Variants in XPNPEP3 observed in about 807,000 individuals in gnomAD.
XPNPEP3 encodes xaa-Pro aminopeptidase 3.
Under a neutral mutation model 60.0 loss-of-function variants are expected in XPNPEP3, and 41 were observed. The ratio of observed to expected loss-of-function variants is 0.68; its 90% CI spans 0.53 to 0.89. The LOEUF is 0.89. Ranked by LOEUF, XPNPEP3 falls within the 40% of genes least tolerant of loss-of-function variation. The pLI, the probability that XPNPEP3 is intolerant of heterozygous loss-of-function variation, is 0.00. For missense variants in XPNPEP3, 598 were observed against 638.9 expected, an observed-to-expected ratio of 0.94 and a Z score of 0.69; for synonymous variants, 212 against 223.2, an observed-to-expected ratio of 0.95 and a Z score of 0.45.
At chr22:40,862,481 A>G (rs887400449) in intron 1 of XPNPEP3, 5 of 985,928 alleles carry the variant, frequency 5.1e-6, no homozygotes, top group Non-Finnish European at 6.0e-6. Context: ...GAAAGTATTC[A>G]AACAGTTGAC....
chr22:40,900,970 G>A (rs1264133641), intron 4 of XPNPEP3, among the ~76,000 whole-genome samples: 3 of 150,940 alleles, frequency 2.0e-5, no homozygotes, highest in African/African-American at 4.9e-5. Flanking sequence ...AAAAAACAAA[G>A]GGAATGGGTG....
intron 4 of XPNPEP3, among the ~76,000 whole-genome samples, chr22:40,894,740 G>A (rs560740219): frequency 6.6e-6 from 1 of 152,122 alleles, no homozygotes; most frequent in Non-Finnish European, 1.5e-5. Context: ...ATCAACTGTT[G>A]GTTCCAATCA....
Position 40,881,981 on chromosome 22 carries a change from T to C in XPNPEP3, c.393T>C (p.Asp131=), listed in dbSNP as rs2058049990. 1.9e-6 allele frequency: 3 copies of C among 1,614,122 alleles called. No homozygotes were observed. The highest frequency in any genetic ancestry group is 1.7e-6 in the Non-Finnish European group (2 of 1,180,006). Residue 131 remains aspartate, a synonymous_variant, in exon 3 of 10, where the codon GAT becomes GAC. Transcript: ENST00000357137. Reference sequence around the variant, plus strand: ...ACCTATGTGGATTCCAAGAGCCTGATAGCATTCTTGTCCTTCAGAGCCTCC... The same window carrying C: ...ACCTATGTGGATTCCAAGAGCCTGACAGCATTCTTGTCCTTCAGAGCCTCC... The part of the protein sequence containing the change: ...FLYLCGFQEP[D]SILVLQSLPG...
intron 3 of XPNPEP3, among the ~76,000 whole-genome samples, chr22:40,885,110 C>A (rs1390835022): frequency 6.6e-6 from 1 of 151,692 alleles, no homozygotes; most frequent in Non-Finnish European, 1.5e-5. Flanking sequence ...ATATTTAGAA[C>A]CATTTTTATT....
rs2058051026 is a variant in XPNPEP3 at position 40,882,204 on chromosome 22, TA to T, written c.589+28del. 3.1e-6 allele frequency: 5 copies of T among 1,613,386 alleles called. 1 individual carries two copies. In the South Asian group the frequency reaches 5.5e-5, roughly 18 times the overall value. On this transcript the variant is annotated intron_variant, in intron 3 of 9. Coordinates refer to ENST00000357137, the MANE Select transcript of XPNPEP3 (RefSeq NM_022098.4). ...TAACAAATGGGAGCAGAAGTCACAT[TA>T]CAAACCAGATTGGGATTAAAACCTT...
chr22:40,859,320 A>G (rs1395762455), intron 1 of XPNPEP3, among the ~76,000 whole-genome samples: 1 of 152,198 alleles, frequency 6.6e-6, no homozygotes, highest in Non-Finnish European at 1.5e-5. Flanking sequence ...GATGGTGGGA[A>G]AACTTTGAGG....
chr22:40,920,914 TC>T (rs1187672510), intron 7 of XPNPEP3, among the ~76,000 whole-genome samples: 8 of 152,176 alleles, frequency 5.3e-5, no homozygotes, highest in African/African-American at 1.7e-4. Context: ...TGCCTCAGCC[TC>T]CCGAGTAGCT....
chr22:40,886,519 T>C lies in XPNPEP3; in HGVS notation c.792+4T>C. The C allele has an allele frequency of 6.2e-7, 1 of 1,613,392 alleles. No homozygotes were observed. The highest frequency in any genetic ancestry group is 8.5e-7 in the Non-Finnish European group (1 of 1,179,906). The stretch of plus-strand genomic sequence containing the variant: ...TGCTGGGAAGCTGACATCACAGGTA[T>C]GATTCCTATTGAAAAGTTTTTTCCA... On this transcript the variant is annotated splice_donor_region_variant and intron_variant, in intron 4 of 9. Coordinates refer to ENST00000357137, the MANE Select transcript of XPNPEP3 (RefSeq NM_022098.4).
At position 40,913,002 on chromosome 22, in the gene XPNPEP3, A is replaced by T. The variant is rs180688761; in HGVS notation, c.970-1237A>T. The stretch of plus-strand genomic sequence containing the variant: ...TTTTAAGTTGCCATTACTGTATGTT[A>T]TCATTTACCCATTATTCTACTGTTT... On this transcript the variant is annotated intron_variant, in intron 6 of 9. Coordinates refer to ENST00000357137, the MANE Select transcript of XPNPEP3 (RefSeq NM_022098.4). 7.2e-5 allele frequency among the ~76,000 whole-genome samples: 11 copies of T among 152,324 alleles called. No individual in the cohort carries two copies. The East Asian group carries it at 2.1e-3, about 29-fold the overall frequency.
intron 1 of XPNPEP3, among the ~76,000 whole-genome samples, chr22:40,857,668 CTG>C (rs2057910407): frequency 6.6e-6 from 1 of 152,248 alleles, no homozygotes; most frequent in Non-Finnish European, 1.5e-5. Context: ...GGAGAGGTAA[CTG>C]TTTCGAAATA....
chr22:40,918,514 A>G (rs2058204685), intron 7 of XPNPEP3, among the ~76,000 whole-genome samples: 2 of 150,416 alleles, frequency 1.3e-5, no homozygotes, highest in South Asian at 4.2e-4. Flanking sequence ...TCTACTAAAA[A>G]CACACACACA....
intron 1 of XPNPEP3, among the ~76,000 whole-genome samples, chr22:40,858,065 A>G (rs899283837): frequency 1.3e-5 from 2 of 152,234 alleles, no homozygotes; most frequent in African/African-American, 4.8e-5. Flanking sequence ...AAGCTGCAGA[A>G]AGACAACTCT....
chr22:40,924,425 C>A lies in XPNPEP3; in HGVS notation c.1300C>A (p.Pro434Thr). 6.2e-7 allele frequency: 1 copy of A among 1,614,176 alleles called. No homozygotes were observed. The highest frequency in any genetic ancestry group is 1.3e-5 in the African/African-American group (1 of 75,046). The stretch of plus-strand genomic sequence containing the variant: ...CCTCGGGATGGATGTCCATGACACT[C>A]CAGACATGCCCCGTTCCCTCCCTCT... ...HYLGMDVHDT[P>T]DMPRSLPLQP... Residue 434 changes from proline (P) to threonine (T), a missense_variant, in exon 9 of 10, where the codon CCA becomes ACA. Coordinates refer to ENST00000357137, the MANE Select transcript of XPNPEP3 (RefSeq NM_022098.4).
chr22:40,914,261 A>G lies in XPNPEP3; in HGVS notation c.992A>G (p.Asp331Gly), dbSNP rs760638936. The G allele has an allele frequency of 3.1e-6, 5 of 1,613,730 alleles. No homozygotes were observed. Among genetic ancestry groups the G allele is most frequent in the Non-Finnish European group, 4.2e-6 (5 of 1,179,962 alleles). Residue 331 changes from aspartate (D) to glycine (G), a missense_variant, in exon 7 of 10, where the codon GAT (aspartate) becomes GGT (glycine). Physicochemically the swap from Asp to Gly is moderately conservative, Grantham distance 94. Transcript: ENST00000357137. ...CAGGATGGGGAAATGGTGCTTCTGG[A>G]TGGAGGTTGTGAGTCTTCCTGCTAT... ...LIKDGEMVLLDGGCESSCYVS... is the reference protein window; with the variant it reads ...LIKDGEMVLLGGGCESSCYVS...
chr22:40,859,679 T>C (rs2057929812), intron 1 of XPNPEP3: 1 of 152,218 alleles, frequency 6.6e-6, no homozygotes, highest in Non-Finnish European at 1.5e-5. Context: ...CAAATACCGA[T>C]ACAAAACACA....
intron 1 of XPNPEP3, among the ~76,000 whole-genome samples, chr22:40,858,433 C>T (rs1423236722): frequency 1.3e-5 from 2 of 151,664 alleles, no homozygotes; most frequent in African/African-American, 4.8e-5. Flanking sequence ...AGGAGCCATA[C>T]TACCAGAAGG....
intron 3 of XPNPEP3, among the ~76,000 whole-genome samples, chr22:40,883,652 G>A (rs1220802064): frequency 2.6e-5 from 4 of 152,068 alleles, no homozygotes; most frequent in African/African-American, 9.7e-5. Context: ...GTGAGGCACC[G>A]TGCCTGGCCA....
chr22:40,869,757 AG>A (rs1670999105), intron 2 of XPNPEP3, among the ~76,000 whole-genome samples: 1 of 152,196 alleles, frequency 6.6e-6, no homozygotes, highest in African/African-American at 2.4e-5. Context: ...TTAGACCTAA[AG>A]GTTTTTTGTT....
In XPNPEP3 at chr22:40,924,457, T is replaced by A. The variant is rs756331146; in HGVS notation, c.1332T>A (p.Pro444=). ...TGCCCCGTTCCCTCCCTCTGCAGCC[T>A]GGGATGGTAATCACAATTGAGCCCG... The part of the protein sequence containing the change: ...PDMPRSLPLQ[P]GMVITIEPGI... The change falls in exon 9 of 10, where the codon CCT becomes CCA. Residue 444 remains proline (P), a synonymous_variant. Coordinates refer to ENST00000357137, the MANE Select transcript of XPNPEP3 (RefSeq NM_022098.4). 4 of 1,614,060 alleles carry A rather than the reference T, an allele frequency of 2.5e-6. No individual in the cohort carries two copies. The East Asian group carries it at 8.9e-5, about 36-fold the overall frequency.
Sources: allele counts gnomAD v4.1 joint callset (sites outside exome capture counted in the v4.1 genomes callset), GRCh38; gene constraint gnomAD v4.1.1; transcripts MANE v1.5; gene names NCBI Gene and HGNC (gene_info 2026-07-23, HGNC 2026-07-21).